PSME4: variants seen among roughly 807,000 people sequenced by gnomAD.
PSME4 encodes proteasome activator subunit 4.
In PSME4, 89 loss-of-function variants were observed where a neutral mutation model predicts 253.9. The ratio of observed to expected loss-of-function variants is 0.35; its 90% CI spans 0.30 to 0.42. The LOEUF (loss-of-function observed/expected upper bound fraction) is 0.42, where lower values mean the gene tolerates loss of function less well. PSME4 is among the 10% of genes least tolerant of loss of function. PSME4 has a pLI of 1.00. For synonymous variants in PSME4, 851 were observed against 759.2 expected (o/e 1.12, Z -1.99); for missense variants, 2,014 against 2,195.2 (o/e 0.92, Z 1.65).
At position 53,874,555 on chromosome 2, in the gene PSME4, A is replaced by T. The variant is rs529636612; in HGVS notation, c.4945-61T>A. ...TACTGACAAGAACATGAGATGACAG[A>T]TAGTGACATTACACACAAACAATGT... On this transcript the variant is annotated intron_variant, in intron 42 of 46. Coordinates refer to ENST00000404125, the MANE Select transcript of PSME4 (RefSeq NM_014614.3). 1.9e-5 allele frequency: 28 copies of T among 1,451,434 alleles called. No individual in the cohort carries two copies. In the East Asian group the frequency reaches 3.9e-4, roughly 20 times the overall value. The allele number at this position is 1,451,434 out of a possible 1,614,324, so 89.9% of individuals were successfully genotyped here. A position where few individuals can be genotyped will look rare whatever the true frequency, so the allele number is the denominator to read the frequency against.
At chr2:53,906,728 G>A in intron 25 of PSME4, 35 bp from the exon 26 acceptor site, 2 of 1,594,116 alleles carry the variant, frequency 1.3e-6, no homozygotes, top group Non-Finnish European at 1.7e-6. Context: ...ACTAAAATTT[G>A]ATTATGAAAA....
chr2:53,970,747 G>C lies in PSME4; in HGVS notation c.38C>G (p.Pro13Arg). ...CGGCTCGGGACGCCCGCCCGGCTCC[G>C]GGGGCTCTCCGACTCCCGCCCGCTC... Reference protein sequence around the residue: ...PAERAGVGEPPEPGGRPEPGP... With the variant: ...PAERAGVGEPREPGGRPEPGP... Residue 13 changes from proline to arginine, a missense_variant, in exon 1 of 47, where the codon CCG becomes CGG. Transcript: ENST00000404125. 6.5e-7 allele frequency: 1 copy of C among 1,544,908 alleles called. No individual in the cohort carries two copies. The highest frequency in any genetic ancestry group is 1.2e-5 in the South Asian group (1 of 83,766).
chr2:53,930,976 T>C (rs953029395), intron 10 of PSME4, among the ~76,000 whole-genome samples: 1 of 152,160 alleles, frequency 6.6e-6, no homozygotes. Flanking sequence ...ACTTTAAAAA[T>C]TGCTCTCAAA....
chr2:53,967,679 A>AAAAAAAG (rs1670808609), intron 1 of PSME4, among the ~76,000 whole-genome samples: 1 of 139,944 alleles, frequency 7.1e-6, no homozygotes, highest in African/African-American at 2.8e-5. Context: ...AAAAAAAAAA[A>AAAAAAAG]GTCAAAAAGA....
At chr2:53,890,563 T>C (rs1679858115) in intron 36 of PSME4, among the ~76,000 whole-genome samples, 1 of 152,194 alleles carries the variant, frequency 6.6e-6, no homozygotes, top group Non-Finnish European at 1.5e-5. Flanking sequence ...CACCTTGGCC[T>C]CCCAAAGTGC....
In PSME4 at chr2:53,904,078, C is replaced by T; in HGVS notation, c.3022G>A (p.Val1008Ile). ...NFCCRDIIPL[V>I]LEFLRPDRQG... Reference sequence around the variant, plus strand: ...CTATCAGGCCTTAAGAACTCCAAAACCAAGGGAATGATATCTCTGCAACAG... The same window carrying T: ...CTATCAGGCCTTAAGAACTCCAAAATCAAGGGAATGATATCTCTGCAACAG... The change falls in exon 27 of 47, where the codon GTT becomes ATT. Residue 1008 changes from valine (V) to isoleucine (I), a missense_variant. Val to Ile is a conservative substitution (Grantham distance 29, BLOSUM62 3). Transcript: ENST00000404125. 6.2e-7 allele frequency: 1 copy of T among 1,613,754 alleles called. No homozygotes were observed. The highest frequency in any genetic ancestry group is 8.5e-7 in the Non-Finnish European group (1 of 1,179,842).
intron 44 of PSME4, among the ~76,000 whole-genome samples, chr2:53,867,227 A>G (rs565206120): frequency 6.6e-6 from 1 of 152,162 alleles, no homozygotes; most frequent in Non-Finnish European, 1.5e-5. Context: ...GCTGGTGGCC[A>G]GGCATGGTGG....
intron 24 of PSME4, 180 bp downstream of exon 24, chr2:53,908,140 T>C (rs1026962996): frequency 1.8e-6 from 1 of 551,036 alleles, no homozygotes; most frequent in Non-Finnish European, 3.2e-6. Flanking sequence ...ATAAGAAAAA[T>C]ATATTTTTTG....
chr2:53,905,025 G>A (rs1412185722), intron 26 of PSME4, among the ~76,000 whole-genome samples: 1 of 145,982 alleles, frequency 6.9e-6, no homozygotes, highest in Non-Finnish European at 1.5e-5. Context: ...TGTACAATGT[G>A]TTGCTTTTAC....
chr2:53,961,906 CG>C (rs1192674564), intron 1 of PSME4, among the ~76,000 whole-genome samples: 1 of 152,174 alleles, frequency 6.6e-6, no homozygotes, highest in African/African-American at 2.4e-5. Context: ...CTTGCTAGAA[CG>C]GGACCTCACA....
intron 1 of PSME4, among the ~76,000 whole-genome samples, chr2:53,963,778 T>A (rs1670595812): frequency 6.6e-6 from 1 of 152,200 alleles, no homozygotes; most frequent in Non-Finnish European, 1.5e-5. Context: ...ATGAGATTGA[T>A]CAAAGTGATA....
At chr2:53,895,561 A>C (rs781094572) in intron 33 of PSME4, 22 bp downstream of exon 33, 3 of 1,586,696 alleles carry the variant, frequency 1.9e-6, no homozygotes, top group Non-Finnish European at 1.7e-6. Context: ...TTTAATGATA[A>C]GGTGCACAGT....
chr2:53,889,464 C>G (rs1054327069), intron 37 of PSME4, among the ~76,000 whole-genome samples: 2 of 152,048 alleles, frequency 1.3e-5, no homozygotes, highest in Non-Finnish European at 2.9e-5. Context: ...ACTATAGACA[C>G]AACCATCCCC....
Position 53,970,802 on chromosome 2 carries a change from C to CCCCACCCCCTCCCACCCGAA in PSME4, c.-38_-19dup. ...GGCTCCATGAGCCCAGGGACACCCC[C>CCCCACCCCCTCCCACCCGAA]CCCACCCCCTCCCACCCGAACCCTC... On this transcript the variant is annotated 5_prime_UTR_variant, in exon 1 of 47. Transcript: ENST00000404125. 1 of 1,506,838 alleles carries CCCCACCCCCTCCCACCCGAA rather than the reference C, an allele frequency of 6.6e-7. No individual in the cohort carries two copies. Among genetic ancestry groups the CCCCACCCCCTCCCACCCGAA allele is most frequent in the Non-Finnish European group, 8.9e-7 (1 of 1,127,702 alleles). The allele number at this position is 1,506,838 out of a possible 1,614,324, so 93.3% of individuals were successfully genotyped here.
intron 41 of PSME4, 136 bp downstream of exon 41, chr2:53,885,554 T>C (rs1558651978): frequency 1.7e-6 from 1 of 582,864 alleles, no homozygotes; most frequent in Non-Finnish European, 3.0e-6. Context: ...CCTAATGATT[T>C]TCCTGTGACC....
intron 1 of PSME4, among the ~76,000 whole-genome samples, chr2:53,964,261 C>T (rs1334999664): frequency 1.3e-5 from 2 of 152,034 alleles, no homozygotes; most frequent in Non-Finnish European, 2.9e-5. Flanking sequence ...TGTGTAGAGA[C>T]AGAGGGTATA....
intron 41 of PSME4, among the ~76,000 whole-genome samples, chr2:53,882,900 CA>C (rs71850883): frequency 4.1e-5 from 5 of 122,008 alleles, no homozygotes; most frequent in South Asian, 2.9e-4. Flanking sequence ...TGAGGAAATA[CA>C]AAAAAAAATA....
chr2:53,869,073 C>T (rs1200301026), intron 44 of PSME4, among the ~76,000 whole-genome samples: 4 of 152,140 alleles, frequency 2.6e-5, no homozygotes, highest in Admixed American at 6.5e-5. Flanking sequence ...TTCAGACCCT[C>T]CAAAATAACT....
intron 29 of PSME4, among the ~76,000 whole-genome samples, chr2:53,898,633 GCACACACACACACA>G (rs199900623): frequency 4.0e-4 from 57 of 142,504 alleles, no homozygotes; most frequent in Admixed American, 1.5e-3. Context: ...ATTGGGAGTG[GCACACACACACACA>G]CACACACACA....
Sources: gnomAD v4.1 joint callset for allele counts (sites outside exome capture counted in the v4.1 genomes callset) on GRCh38, gnomAD v4.1.1 for gene constraint, MANE v1.5 for transcripts, NCBI Gene and HGNC (gene_info 2026-07-23, HGNC 2026-07-21) for gene names.